MDGA2: variants seen among roughly 807,000 people sequenced by gnomAD.
The protein encoded by MDGA2 is MAM domain-containing glycosylphosphatidylinositol anchor protein 2.
In MDGA2, 40 loss-of-function variants were observed where a neutral mutation model predicts 117.8. The ratio of observed to expected loss-of-function variants is 0.34; its 90% CI spans 0.26 to 0.44. The LOEUF is 0.44. MDGA2 is among the 20% of genes least tolerant of loss of function. MDGA2 has a pLI of 1.00. For synonymous variants in MDGA2, 452 were observed against 439.0 expected (o/e 1.03, Z -0.37); for missense variants, 1,123 against 1,250.6 (o/e 0.90, Z 1.54).
intron 2 of MDGA2, among the ~76,000 whole-genome samples, chr14:47,275,393 A>T (rs1031767575): frequency 6.6e-6 from 1 of 152,188 alleles, no homozygotes; most frequent in Non-Finnish European, 1.5e-5. Context: ...TTACAGGTTA[A>T]GCTCAGTTGA....
At chr14:47,187,919 G>T (rs111509070) in intron 3 of MDGA2, among the ~76,000 whole-genome samples, 5 of 146,518 alleles carry the variant, frequency 3.4e-5, no homozygotes, top group Admixed American at 2.7e-4. Flanking sequence ...AAAGTAGGTT[G>T]TGTGTGTGTG....
At chr14:47,069,862 A>G (rs1193382105) in intron 6 of MDGA2, among the ~76,000 whole-genome samples, 2 of 152,220 alleles carry the variant, frequency 1.3e-5, no homozygotes, top group African/African-American at 4.8e-5. Context: ...TGAATGACTA[A>G]ATGAGAAATA....
chr14:47,583,558 A>C (rs1015643277), intron 1 of MDGA2, among the ~76,000 whole-genome samples: 2 of 151,838 alleles, frequency 1.3e-5, no homozygotes, highest in African/African-American at 4.8e-5. Context: ...ATATCTTAAC[A>C]CCCAGCAATA....
intron 1 of MDGA2, among the ~76,000 whole-genome samples, chr14:47,311,284 T>C (rs1353894310): frequency 6.6e-6 from 1 of 152,176 alleles, no homozygotes; most frequent in African/African-American, 2.4e-5. Flanking sequence ...AGAGACGTTA[T>C]TTCTTCCAGC....
chr14:47,477,907 G>T (rs528845508), intron 1 of MDGA2, among the ~76,000 whole-genome samples: 1 of 152,276 alleles, frequency 6.6e-6, no homozygotes, highest in Non-Finnish European at 1.5e-5. Flanking sequence ...GTCCCTGAAG[G>T]TTAAGGCACC....
intron 5 of MDGA2, among the ~76,000 whole-genome samples, chr14:47,119,666 A>G (rs1160936936): frequency 6.6e-6 from 1 of 152,232 alleles, no homozygotes; most frequent in Non-Finnish European, 1.5e-5. Context: ...AATATGCAGT[A>G]ATACAGGACT....
intron 1 of MDGA2, among the ~76,000 whole-genome samples, chr14:47,557,116 T>G (rs1341053005): frequency 2.0e-5 from 3 of 152,188 alleles, no homozygotes; most frequent in African/African-American, 7.2e-5. Context: ...TCATTTTATT[T>G]TTGTAGAAAG....
chr14:47,148,577 G>A lies in MDGA2; in HGVS notation c.596-4303C>T, dbSNP rs141477494. Among the ~76,000 whole-genome samples, 199 of 152,254 alleles carry A rather than the reference G, an allele frequency of 1.3e-3. 1 individual carries two copies. The highest frequency in any genetic ancestry group is 4.6e-3 in the African/African-American group (190 of 41,550). On this transcript the variant is annotated intron_variant, in intron 3 of 16. Transcript: ENST00000399232. ...CCCACTCCAGAATACTGATATCCAG[G>A]TCAATCTGGATCCTGTGTATGACAT...
intron 8 of MDGA2, among the ~76,000 whole-genome samples, chr14:47,018,863 A>C (rs1448721816): frequency 1.3e-5 from 2 of 151,990 alleles, no homozygotes; most frequent in African/African-American, 4.8e-5. Flanking sequence ...AAATGTAAAA[A>C]CACACACCAG....
chr14:47,197,812 G>C (rs1885343080), intron 3 of MDGA2, among the ~76,000 whole-genome samples: 1 of 152,134 alleles, frequency 6.6e-6, no homozygotes, highest in South Asian at 2.1e-4. Context: ...AGGAGGCTGA[G>C]GCAGGAGAAT....
At chr14:47,174,014 C>G (rs1884313474) in intron 3 of MDGA2, among the ~76,000 whole-genome samples, 1 of 152,144 alleles carries the variant, frequency 6.6e-6, no homozygotes, top group African/African-American at 2.4e-5. Context: ...TCTGATAAAA[C>G]AGACTTTAAA....
In MDGA2 at chr14:47,674,867, G is replaced by A. The variant is rs992793452; in HGVS notation, c.-71C>T. The A allele has an allele frequency of 4.6e-5, 26 of 560,204 alleles. No individual in the cohort carries two copies. The highest frequency in any genetic ancestry group is 1.5e-4 in the Admixed American group (4 of 26,044). 34.7% of individuals were successfully genotyped at this position (560,204 alleles called of 1,614,324 possible). On this transcript the variant is annotated 5_prime_UTR_variant, in exon 1 of 17. Transcript: ENST00000399232. The stretch of plus-strand genomic sequence containing the variant: ...TACCCTGACACACACTCACACGCAC[G>A]CCGCACTCACACCGGGTGCCTGGGA...
chr14:46,875,412 C>T (rs1882186571), intron 12 of MDGA2, among the ~76,000 whole-genome samples: 1 of 151,594 alleles, frequency 6.6e-6, no homozygotes, highest in Admixed American at 6.6e-5. Context: ...GAAACACTTG[C>T]TTTATCTCTT....
At chr14:47,449,426 T>C (rs1467383339) in intron 1 of MDGA2, among the ~76,000 whole-genome samples, 3 of 152,160 alleles carry the variant, frequency 2.0e-5, no homozygotes, top group Non-Finnish European at 1.5e-5. Flanking sequence ...GTGCCTATTA[T>C]AGTCTTTTCA....
At chr14:46,939,694 T>C (rs79072033) in intron 9 of MDGA2, among the ~76,000 whole-genome samples, 5,570 of 152,302 alleles carry the variant, frequency 0.037, 357 homozygotes, top group African/African-American at 0.13. Flanking sequence ...TGCATACATA[T>C]GTTTTTTAAT....
chr14:47,127,629 G>A (rs1007076062), intron 5 of MDGA2, among the ~76,000 whole-genome samples: 10 of 152,012 alleles, frequency 6.6e-5, no homozygotes, highest in African/African-American at 2.4e-4. Flanking sequence ...AACTTTGTGA[G>A]ATAATTTATA....
chr14:47,465,832 T>C (rs535081591), intron 1 of MDGA2, among the ~76,000 whole-genome samples: 1 of 152,294 alleles, frequency 6.6e-6, no homozygotes, highest in African/African-American at 2.4e-5. Flanking sequence ...TTACTGGGTG[T>C]ATATCCAGAG....
intron 6 of MDGA2, 103 bp downstream of exon 6, chr14:47,096,751 G>A: frequency 1.8e-6 from 2 of 1,123,986 alleles, no homozygotes; most frequent in East Asian, 4.7e-5. Context: ...GTATTTTACA[G>A]ATACATGCAA....
chr14:47,520,404 C>T (rs1484380018), intron 1 of MDGA2, among the ~76,000 whole-genome samples: 3 of 152,194 alleles, frequency 2.0e-5, no homozygotes, highest in African/African-American at 4.8e-5. Flanking sequence ...TATCCCACTA[C>T]AAGCAACTCA....
Sources: allele counts gnomAD v4.1 joint callset (sites outside exome capture counted in the v4.1 genomes callset), GRCh38; gene constraint gnomAD v4.1.1; transcripts MANE v1.5; gene names NCBI Gene and HGNC (gene_info 2026-07-23, HGNC 2026-07-21).